Variants in DPYD observed in about 807,000 individuals in gnomAD.
The protein encoded by DPYD is dihydropyrimidine dehydrogenase, also known as dihydropyrimidine dehydrogenase [NADP(+)].
In DPYD, 109 loss-of-function variants were observed where a neutral mutation model predicts 116.2. That is an observed-to-expected ratio of 0.94 (90% CI 0.80 to 1.10). DPYD has a LOEUF of 1.10. Among genes scored for constraint, DPYD ranks in the 50% least tolerant of loss-of-function variants. The pLI is 0.00. For missense variants in DPYD, 1,302 were observed against 1,254.5 expected (o/e 1.04, Z -0.57); for synonymous variants, 440 against 432.0 (o/e 1.02, Z -0.23).
chr1:97,622,995 A>G (rs1442249844), intron 8 of DPYD, among the ~76,000 whole-genome samples: 1 of 152,054 alleles, frequency 6.6e-6, no homozygotes, highest in Non-Finnish European at 1.5e-5. Context: ...GAAGGGCAAA[A>G]CAGATGCAAA....
intron 12 of DPYD, among the ~76,000 whole-genome samples, chr1:97,535,933 G>A (rs1325317936): frequency 6.6e-6 from 1 of 152,152 alleles, no homozygotes; most frequent in Non-Finnish European, 1.5e-5. Flanking sequence ...ATTAGCTGAA[G>A]AACACATCAC....
At chr1:97,703,742 T>C (rs1326653733) in intron 5 of DPYD, among the ~76,000 whole-genome samples, 1 of 152,066 alleles carries the variant, frequency 6.6e-6, no homozygotes, top group African/African-American at 2.4e-5. Flanking sequence ...TTCAAACATA[T>C]AATGCAATAG....
At chr1:97,225,807 C>A (rs918449042) in intron 19 of DPYD, among the ~76,000 whole-genome samples, 1 of 151,960 alleles carries the variant, frequency 6.6e-6, no homozygotes, top group Admixed American at 6.6e-5. Context: ...TGTCTAGGAG[C>A]TTTTCCCCTG....
chr1:97,715,235 C>A (rs1279607447), intron 5 of DPYD, among the ~76,000 whole-genome samples: 1 of 152,068 alleles, frequency 6.6e-6, no homozygotes. Flanking sequence ...CAAAAATGCA[C>A]TGAAGCACTA....
intron 20 of DPYD, among the ~76,000 whole-genome samples, chr1:97,147,809 G>A (rs554075668): frequency 2.6e-4 from 39 of 152,270 alleles, no homozygotes; most frequent in African/African-American, 9.1e-4. Context: ...TGATTGTGGA[G>A]CGAGTAATAG....
At chr1:97,304,791 ATGTCT>A (rs1451975779) in intron 18 of DPYD, among the ~76,000 whole-genome samples, 1 of 152,066 alleles carries the variant, frequency 6.6e-6, no homozygotes, top group South Asian at 2.1e-4. Flanking sequence ...AGGTCTGCAA[ATGTCT>A]TGTCAGCTGA....
At chr1:97,141,188 T>C (rs1046700841) in intron 20 of DPYD, among the ~76,000 whole-genome samples, 5 of 152,130 alleles carry the variant, frequency 3.3e-5, no homozygotes, top group African/African-American at 9.7e-5. Context: ...TAATGGAAGC[T>C]TAATAAGTGT....
chr1:97,241,933 A>C (rs1662361405), intron 18 of DPYD, among the ~76,000 whole-genome samples: 2 of 151,172 alleles, frequency 1.3e-5, no homozygotes, highest in Non-Finnish European at 3.0e-5. Flanking sequence ...ATAAACACTT[A>C]ATTTTTAAGG....
chr1:97,584,471 A>G (rs777756152), intron 10 of DPYD, among the ~76,000 whole-genome samples: 34 of 152,110 alleles, frequency 2.2e-4, no homozygotes, highest in Non-Finnish European at 1.0e-4. Context: ...TGTTTTAGAC[A>G]TGAAGTCCTT....
In DPYD at chr1:97,453,406, AG is replaced by A. The variant is rs759890303; in HGVS notation, c.1741-3184del. 2.0e-5 allele frequency among the ~76,000 whole-genome samples: 3 copies of A among 152,246 alleles called. No homozygotes were observed. The South Asian group carries it at 6.2e-4, about 32-fold the overall frequency. ...TCTTTTATGTTTGTCCTGTATGCTA[AG>A]AACACATCTTAACAGTATACATAGG... On this transcript the variant is annotated intron_variant, in intron 13 of 22. Transcript: ENST00000370192.
Position 97,357,175 on chromosome 1 carries a change from T to C in DPYD, c.2058+16386A>G, listed in dbSNP as rs536029343. On this transcript the variant is annotated intron_variant, in intron 16 of 22. Coordinates refer to ENST00000370192, the MANE Select transcript of DPYD (RefSeq NM_000110.4). Reference sequence around the variant, plus strand: ...AACACAAGATATATTTGTTTTTGTATCTTTTTCAATTGCTTTCATCATGTT... The same window carrying C: ...AACACAAGATATATTTGTTTTTGTACCTTTTTCAATTGCTTTCATCATGTT... Among the ~76,000 whole-genome samples the C allele has an allele frequency of 2.0e-5, 3 of 152,358 alleles. No individual in the cohort carries two copies. The South Asian group carries it at 6.2e-4, about 32-fold the overall frequency.
chr1:97,367,282 T>TAA (rs1172645094), intron 16 of DPYD, among the ~76,000 whole-genome samples: 1 of 150,332 alleles, frequency 6.7e-6, no homozygotes, highest in African/African-American at 2.4e-5. Context: ...TCTCTTTTTT[T>TAA]TAAAAAAAAA....
intron 20 of DPYD, among the ~76,000 whole-genome samples, chr1:97,156,521 C>A (rs2101732237): frequency 6.6e-6 from 1 of 152,278 alleles, no homozygotes; most frequent in African/African-American, 2.4e-5. Context: ...AAAAAATGCT[C>A]ACCATCACTG....
chr1:97,890,539 A>C (rs140016374), intron 1 of DPYD, among the ~76,000 whole-genome samples: 4 of 152,030 alleles, frequency 2.6e-5, no homozygotes, highest in Admixed American at 6.6e-5. Context: ...TACTAACAGG[A>C]CCTATTTTAC....
At chr1:97,894,721 T>C (rs1672965156) in intron 1 of DPYD, among the ~76,000 whole-genome samples, 1 of 151,566 alleles carries the variant, frequency 6.6e-6, no homozygotes, top group African/African-American at 2.4e-5. Context: ...ATTATAGGAA[T>C]TGAGAAATAA....
intron 1 of DPYD, among the ~76,000 whole-genome samples, chr1:97,898,679 C>A (rs1026369017): frequency 6.6e-6 from 1 of 151,920 alleles, no homozygotes; most frequent in African/African-American, 2.4e-5. Flanking sequence ...ACCAAACCCA[C>A]CTTGAACTGT....
chr1:97,288,555 C>T (rs11165834), intron 18 of DPYD, among the ~76,000 whole-genome samples: 89,586 of 150,862 alleles, frequency 0.59, 26,848 homozygotes, highest in South Asian at 0.71. Context: ...CTCAACTACA[C>T]GGAAACTGAA....
chr1:97,261,820 G>A (rs1465878030), intron 18 of DPYD, among the ~76,000 whole-genome samples: 1 of 151,932 alleles, frequency 6.6e-6, no homozygotes, highest in Non-Finnish European at 1.5e-5. Context: ...ATCAGCTGGT[G>A]AGTGTGTTTC....
chr1:97,219,605 G>A (rs1660651848), intron 19 of DPYD, among the ~76,000 whole-genome samples: 2 of 152,138 alleles, frequency 1.3e-5, no homozygotes, highest in East Asian at 1.9e-4. Context: ...AACCAAGGGT[G>A]AAGGAGGCAA....
Sources: allele counts gnomAD v4.1 joint callset (sites outside exome capture counted in the v4.1 genomes callset), GRCh38; gene constraint gnomAD v4.1.1; transcripts MANE v1.5; gene names NCBI Gene and HGNC (gene_info 2026-07-23, HGNC 2026-07-21).